Variants in N4BP2 observed in about 807,000 individuals in gnomAD.
N4BP2 encodes NEDD4-binding protein 2.
In N4BP2, 91 loss-of-function variants were observed where a neutral mutation model predicts 152.8. The observed-to-expected ratio is 0.60, with a 90% CI of 0.50 to 0.71. The LOEUF (loss-of-function observed/expected upper bound fraction) is 0.71, where lower values mean the gene tolerates loss of function less well. Ranked by LOEUF, N4BP2 falls within the 30% of genes least tolerant of loss-of-function variation. The pLI is 0.00. For synonymous variants in N4BP2, 646 were observed against 705.3 expected, an observed-to-expected ratio of 0.92 and a Z score of 1.33; for missense variants, 1,923 against 2,059.1, an observed-to-expected ratio of 0.93 and a Z score of 1.28.
chr4:40,129,946 A>T (rs1718769648), intron 12 of N4BP2, among the ~76,000 whole-genome samples: 1 of 152,240 alleles, frequency 6.6e-6, no homozygotes, highest in Admixed American at 6.5e-5. Context: ...CAGAATTTAT[A>T]GTTTAGAAAC....
At chr4:40,182,130 C>T in the N4BP2 span, among the ~76,000 whole-genome samples, 1 of 151,758 alleles carries the variant, frequency 6.6e-6, no homozygotes, top group South Asian at 2.1e-4. Flanking sequence ...AAATTATGTT[C>T]TGTTGCTAAG....
At chr4:40,057,949 A>T (rs148902611) in intron 1 of N4BP2, among the ~76,000 whole-genome samples, 3 of 152,102 alleles carry the variant, frequency 2.0e-5, no homozygotes, top group African/African-American at 7.2e-5. Context: ...TAATGTCTCC[A>T]TGGCACAGTT....
the N4BP2 span, among the ~76,000 whole-genome samples, chr4:40,182,606 T>G: frequency 6.6e-6 from 1 of 152,050 alleles, no homozygotes; most frequent in Non-Finnish European, 1.5e-5. Context: ...CACGCCACCA[T>G]GCCGGGCTAA....
chr4:40,061,371 T>C (rs140325334), intron 1 of N4BP2, among the ~76,000 whole-genome samples: 2 of 151,794 alleles, frequency 1.3e-5, no homozygotes, highest in African/African-American at 4.8e-5. Context: ...TTTATTTATT[T>C]ATTTATTTTT....
At chr4:40,141,118 T>C (rs899674536) in intron 14 of N4BP2, among the ~76,000 whole-genome samples, 298 of 151,692 alleles carry the variant, frequency 2.0e-3, no homozygotes, top group African/African-American at 6.7e-3. Flanking sequence ...ACCTCCCAGA[T>C]GGAGTGGTGG....
At position 40,120,273 on chromosome 4, in the gene N4BP2, A is replaced by C; in HGVS notation, c.2162A>C (p.Glu721Ala). Residue 721 changes from glutamate to alanine, a missense_variant, in exon 9 of 18, where the codon GAG becomes GCG. Transcript: ENST00000261435. Reference protein sequence around the residue: ...YSKTDTDSSMERVSPSTCCSE... With the variant: ...YSKTDTDSSMARVSPSTCCSE... ...AAAACTGACACAGATAGTTCTATGG[A>C]GAGAGTATCACCTAGTACTTGCTGT... 1 of 1,613,796 alleles carries C rather than the reference A, an allele frequency of 6.2e-7. No homozygotes were observed. Among genetic ancestry groups the C allele is most frequent in the South Asian group, 1.1e-5 (1 of 91,054 alleles).
the N4BP2 span, among the ~76,000 whole-genome samples, chr4:40,189,377 A>T: frequency 6.6e-6 from 1 of 152,150 alleles, no homozygotes; most frequent in Non-Finnish European, 1.5e-5. This position sits in a 1 kb window ranked among gnomAD's most constrained non-coding sequence, Gnocchi z 4.3. Context: ...AGAGACTCAG[A>T]AAGGACTCAG....
At chr4:40,181,611 T>A in the N4BP2 span, among the ~76,000 whole-genome samples, 1 of 152,100 alleles carries the variant, frequency 6.6e-6, no homozygotes, top group Admixed American at 6.6e-5. Flanking sequence ...CATTTCACAG[T>A]TCAAGGTGGC....
intron 11 of N4BP2, among the ~76,000 whole-genome samples, 185 bp from the exon 12 acceptor site, chr4:40,125,947 AAC>A (rs1192677709): frequency 6.6e-6 from 1 of 152,110 alleles, no homozygotes; most frequent in East Asian, 1.9e-4. Context: ...TTGCTACATT[AAC>A]ACATACTATT....
chr4:40,138,710 CAT>C (rs1472878662), intron 14 of N4BP2, among the ~76,000 whole-genome samples: 1 of 152,128 alleles, frequency 6.6e-6, no homozygotes, highest in Admixed American at 6.6e-5. Context: ...ATGAATTGAC[CAT>C]AGTTACAAGG....
At chr4:40,161,290 A>G (rs138441778), downstream of N4BP2, among the ~76,000 whole-genome samples, 299 of 152,356 alleles carry the variant, frequency 2.0e-3, no homozygotes, top group African/African-American at 6.8e-3. Flanking sequence ...CCAACAACCA[A>G]TTTACAGGGA....
chr4:40,131,712 A>G (rs1718919212), intron 12 of N4BP2, 89 bp from the exon 13 acceptor site: 1 of 867,530 alleles, frequency 1.2e-6, no homozygotes, highest in African/African-American at 1.7e-5. Context: ...AATCATCAGT[A>G]GTTTTGCAAC....
chr4:40,125,479 C>T lies in N4BP2; in HGVS notation c.4331-655C>T, dbSNP rs1343410820. Among the ~76,000 whole-genome samples, 3 of 152,338 alleles carry T rather than the reference C, an allele frequency of 2.0e-5. No individual in the cohort carries two copies. In the South Asian group the frequency reaches 6.2e-4, roughly 32 times the overall value. On this transcript the variant is annotated intron_variant, in intron 11 of 17. Coordinates refer to ENST00000261435, the MANE Select transcript of N4BP2 (RefSeq NM_018177.6). ...GCAGACTGTAGCTGTTATGGTTGCT[C>T]ACTTCCAGCTGGCTACAACTTCCTC...
chr4:40,111,561 C>T (rs1412957500), intron 5 of N4BP2, among the ~76,000 whole-genome samples: 2 of 151,844 alleles, frequency 1.3e-5, no homozygotes, highest in Non-Finnish European at 2.9e-5. Context: ...CCTCATGATC[C>T]GCCTGACTTG....
chr4:40,122,915 A>G (rs1718066433), intron 9 of N4BP2, among the ~76,000 whole-genome samples: 1 of 152,268 alleles, frequency 6.6e-6, no homozygotes, highest in Non-Finnish European at 1.5e-5. Context: ...TTTACTGTGA[A>G]GCTTTGTATA....
intron 14 of N4BP2, chr4:40,142,168 C>T (rs1720071268): frequency 2.7e-5 from 5 of 183,996 alleles, no homozygotes; most frequent in East Asian, 1.8e-4. Context: ...GAGAGGGCAG[C>T]GTGTAACCTT....
At chr4:40,141,958 C>T (rs1400532870) in intron 14 of N4BP2, among the ~76,000 whole-genome samples, 3 of 152,124 alleles carry the variant, frequency 2.0e-5, no homozygotes, top group South Asian at 2.1e-4. Flanking sequence ...CGTGGTGGCG[C>T]GTGCCTGCAA....
chr4:40,067,903 C>G (rs1490685351), intron 1 of N4BP2, among the ~76,000 whole-genome samples: 2 of 152,048 alleles, frequency 1.3e-5, no homozygotes, highest in African/African-American at 2.4e-5. Flanking sequence ...TGGTCTTGAA[C>G]CCCTGACCTC....
At chr4:40,164,845 A>C in the N4BP2 span, among the ~76,000 whole-genome samples, 1 of 152,124 alleles carries the variant, frequency 6.6e-6, no homozygotes, top group Non-Finnish European at 1.5e-5. Flanking sequence ...ATTATTTCAG[A>C]TTATTGTGGT....
Sources: gnomAD v4.1 joint callset for allele counts (sites outside exome capture counted in the v4.1 genomes callset) on GRCh38, gnomAD v4.1.1 for gene constraint, Gnocchi (gnomAD v3.1) non-coding constraint, MANE v1.5 for transcripts, NCBI Gene and HGNC (gene_info 2026-07-23, HGNC 2026-07-21) for gene names.